PER3: variants seen among roughly 807,000 people sequenced by gnomAD.
PER3 encodes period circadian protein homolog 3.
Under a neutral mutation model 127.2 loss-of-function variants are expected in PER3, and 107 were observed. The observed-to-expected ratio is 0.84, with a 90% CI of 0.72 to 0.99. PER3 has a LOEUF of 0.99. Ranked by LOEUF, PER3 falls within the 50% of genes least tolerant of loss-of-function variation. PER3 has a pLI of 0.00. For synonymous variants in PER3, 618 were observed against 585.8 expected, an observed-to-expected ratio of 1.05 and a Z score of -0.79; for missense variants, 1,560 against 1,525.8, an observed-to-expected ratio of 1.02 and a Z score of -0.37.
At chr1:7,795,533 C>T (rs1169545381) in intron 6 of PER3, among the ~76,000 whole-genome samples, 1 of 152,142 alleles carries the variant, frequency 6.6e-6, no homozygotes, top group Non-Finnish European at 1.5e-5. Flanking sequence ...TGAGGGGTGG[C>T]AAGTGTCTGA....
At chr1:7,806,812 A>AAAAAATATAT (rs61141023) in intron 10 of PER3, among the ~76,000 whole-genome samples, 6 of 60,630 alleles carry the variant, frequency 9.9e-5, no homozygotes, top group African/African-American at 4.1e-4. Flanking sequence ...AAAAAAAAAA[A>AAAAAATATAT]ATATATATAT....
chr1:7,836,948 G>A, intron 20 of PER3, 51 bp from the exon 21 acceptor site: 1 of 1,476,226 alleles, frequency 6.8e-7, no homozygotes, highest in South Asian at 1.2e-5. Context: ...GACGGGAAAA[G>A]AACCCTGTGT....
chr1:7,806,795 TAAAAAAA>T (rs71567316), intron 10 of PER3, among the ~76,000 whole-genome samples: 13 of 91,908 alleles, frequency 1.4e-4, no homozygotes, highest in African/African-American at 5.4e-4. Flanking sequence ...CCCTGTCTCT[TAAAAAAA>T]AAAAAAAAAA....
chr1:7,791,846 C>G (rs1310332086), intron 5 of PER3, among the ~76,000 whole-genome samples: 1 of 152,194 alleles, frequency 6.6e-6, no homozygotes, highest in Non-Finnish European at 1.5e-5. Context: ...CCAACAAGTT[C>G]CTCATCTCTC....
chr1:7,827,558 C>G lies in PER3; in HGVS notation c.2629C>G (p.Pro877Ala), dbSNP rs2097308253. 4 of 1,614,172 alleles carry G rather than the reference C, an allele frequency of 2.5e-6. No homozygotes were observed. Among genetic ancestry groups the G allele is most frequent in the Non-Finnish European group, 3.4e-6 (4 of 1,180,038 alleles). The change falls in exon 18 of 22, where the codon CCA becomes GCA. Residue 877 changes from proline (P) to alanine (A), a missense_variant. Pro to Ala is a conservative substitution (Grantham distance 27). Coordinates refer to ENST00000377532, the MANE Select transcript of PER3 (RefSeq NM_001377275.1). The stretch of plus-strand genomic sequence containing the variant: ...GTTGTCGCCATCGTTTTTGCCATGT[C>G]CATTCCTGGGGGCGACAGCCTCTTC... ...PLLSPSFLPC[P>A]FLGATASSAI...
chr1:7,798,339 A>G lies in PER3; in HGVS notation c.645-186A>G, dbSNP rs567045096. 1.5e-3 allele frequency among the ~76,000 whole-genome samples: 232 copies of G among 152,268 alleles called. 1 individual carries two copies. Among genetic ancestry groups the G allele is most frequent in the African/African-American group, 5.4e-3 (223 of 41,560 alleles). ...AAGCCAGTTCTTTACACAACCTCTT[A>G]CTCGTTGAATAATAGCGAAAATTTA... On this transcript the variant is annotated intron_variant, in intron 6 of 21. Transcript: ENST00000377532.
At chr1:7,814,313 A>G (rs1346126338) in intron 13 of PER3, among the ~76,000 whole-genome samples, 1 of 152,236 alleles carries the variant, frequency 6.6e-6, no homozygotes, top group Non-Finnish European at 1.5e-5. Flanking sequence ...ATCATATTCA[A>G]ACTGATGGAA....
At chr1:7,793,797 T>C (rs2097132597) in intron 5 of PER3, among the ~76,000 whole-genome samples, 160 bp from the exon 6 acceptor site, 1 of 152,222 alleles carries the variant, frequency 6.6e-6, no homozygotes, top group Non-Finnish European at 1.5e-5. Flanking sequence ...ATTCTAGTAT[T>C]GTGACTGGAT....
intron 10 of PER3, among the ~76,000 whole-genome samples, chr1:7,805,347 CAGT>C (rs2097188317): frequency 1.3e-5 from 2 of 152,108 alleles, no homozygotes; most frequent in Non-Finnish European, 2.9e-5. Flanking sequence ...AACCTGAGAA[CAGT>C]AGATCTACCA....
intron 18 of PER3, 93 bp downstream of exon 18, chr1:7,827,908 A>C: frequency 1.1e-6 from 1 of 940,302 alleles, no homozygotes; most frequent in Non-Finnish European, 1.6e-6. Context: ...TGACATTCTC[A>C]GTAGGTAATC....
intron 21 of PER3, 113 bp downstream of exon 21, chr1:7,837,262 A>T (rs1410581687): frequency 3.9e-6 from 3 of 772,350 alleles, no homozygotes; most frequent in Non-Finnish European, 6.2e-6. Context: ...CTCACAGTTT[A>T]CCTCTATGGT....
rs550525842 is a variant in PER3, at chr1:7,801,094, TTTG to T, written c.794-16_794-14del. ...TTAGATATTTGCCTTTAAATGGGTC[TTTG>T]TTTTTTTTTCCTTAGCTCCTCGGAT... On this transcript the variant is annotated splice_polypyrimidine_tract_variant and intron_variant, in intron 7 of 21. Coordinates refer to ENST00000377532, the MANE Select transcript of PER3 (RefSeq NM_001377275.1). The T allele has an allele frequency of 2.0e-4, 282 of 1,433,174 alleles. No individual in the cohort carries two copies. The highest frequency in any genetic ancestry group is 1.2e-3 in the Middle Eastern group (7 of 5,632). 88.8% of individuals were successfully genotyped at this position (1,433,174 alleles called of 1,614,324 possible). A position where few individuals can be genotyped will look rare whatever the true frequency, so the allele number is the denominator to read the frequency against.
Position 7,809,904 on chromosome 1 carries a change from G to T in PER3, c.1254G>T (p.Val418=). ...CTTTGTCCTTCCAGCCAGTTCACGT[G>T]AGCGTGTCCAGCGGCTACGGGAGCC... The part of the protein sequence containing the change: ...IYKLLLQPVH[V]SVSSGYGSLG... The change falls in exon 12 of 22, where the codon GTG becomes GTT. Residue 418 remains valine (V), a synonymous_variant. Coordinates refer to ENST00000377532, the MANE Select transcript of PER3 (RefSeq NM_001377275.1). 1 of 1,614,084 alleles carries T rather than the reference G, an allele frequency of 6.2e-7. No homozygotes were observed. Among genetic ancestry groups the T allele is most frequent in the Admixed American group, 1.7e-5 (1 of 60,010 alleles).
Position 7,794,930 on chromosome 1 carries a change from T to G in PER3, c.644+922T>G, listed in dbSNP as rs531018281. On this transcript the variant is annotated intron_variant, in intron 6 of 21. Transcript: ENST00000377532. ...AAGATGATATAATAATATGTTCTTT[T>G]GTAATAAGAACAAATATTTTGAAAT... Among the ~76,000 whole-genome samples the G allele has an allele frequency of 1.6e-4, 24 of 151,800 alleles. 1 individual carries two copies. In the South Asian group the frequency reaches 4.4e-3, roughly 28 times the overall value.
intron 13 of PER3, among the ~76,000 whole-genome samples, chr1:7,813,869 AG>A (rs1387788887): frequency 6.6e-6 from 1 of 152,198 alleles, no homozygotes; most frequent in Non-Finnish European, 1.5e-5. Context: ...CAAGACTCAG[AG>A]AGGACACAGA....
chr1:7,819,394 G>A lies in PER3; in HGVS notation c.1632G>A (p.Gln544=). 6.2e-7 allele frequency: 1 copy of A among 1,614,102 alleles called. No homozygotes were observed. The highest frequency in any genetic ancestry group is 8.5e-7 in the Non-Finnish European group (1 of 1,179,938). ...ATGAGCACAGCCCATCCTATCAACA[G>A]ATCAACTGTATCGACAGTGTCATCA... is the stretch of plus-strand genomic sequence containing the variant. ...RNDEHSPSYQ[Q]INCIDSVIRY... Residue 544 remains glutamine, a synonymous_variant, in exon 14 of 22, where the codon CAG becomes CAA. Transcript: ENST00000377532.
intron 13 of PER3, among the ~76,000 whole-genome samples, chr1:7,817,268 A>G (rs954337810): frequency 6.6e-6 from 1 of 152,152 alleles, no homozygotes; most frequent in Non-Finnish European, 1.5e-5. Context: ...GCCAAAACCC[A>G]CAGATTTGTG....
chr1:7,800,477 C>T (rs1347675064), intron 7 of PER3, among the ~76,000 whole-genome samples: 4 of 151,984 alleles, frequency 2.6e-5, no homozygotes, highest in Admixed American at 6.6e-5. Flanking sequence ...GGATTACACG[C>T]GTGAGCCACC....
chr1:7,788,889 C>T (rs1390599782), intron 5 of PER3, among the ~76,000 whole-genome samples: 1 of 139,274 alleles, frequency 7.2e-6, no homozygotes, highest in Non-Finnish European at 1.5e-5. Flanking sequence ...GGGCGACAAG[C>T]GTGAAACTGT....
Sources: gnomAD v4.1 joint callset for allele counts (sites outside exome capture counted in the v4.1 genomes callset) on GRCh38, gnomAD v4.1.1 for gene constraint, MANE v1.5 for transcripts, NCBI Gene and HGNC (gene_info 2026-07-23, HGNC 2026-07-21) for gene names.